RASAL2: variants seen among roughly 807,000 people sequenced by gnomAD.
RASAL2 encodes ras GTPase-activating protein nGAP.
In RASAL2, 58 loss-of-function variants were observed where a neutral mutation model predicts 128.9. That is an observed-to-expected ratio of 0.45 (90% CI 0.36 to 0.56). The LOEUF (loss-of-function observed/expected upper bound fraction) is 0.56. RASAL2 is among the 20% of genes least tolerant of loss of function. The pLI is 0.00. For missense variants in RASAL2, 1,360 were observed against 1,601.6 expected, an observed-to-expected ratio of 0.85 and a Z score of 2.57; for synonymous variants, 561 against 580.8, an observed-to-expected ratio of 0.97 and a Z score of 0.49.
At chr1:178,311,727 T>C (rs1169806288) in intron 3 of RASAL2, among the ~76,000 whole-genome samples, 1 of 152,070 alleles carries the variant, frequency 6.6e-6, no homozygotes, top group Non-Finnish European at 1.5e-5. Context: ...CCCCTTGGTG[T>C]ATTTAGCCCA....
At chr1:178,268,029 T>G (rs1428885003) in intron 1 of RASAL2, among the ~76,000 whole-genome samples, 1 of 151,978 alleles carries the variant, frequency 6.6e-6, no homozygotes, top group South Asian at 2.1e-4. Flanking sequence ...TTTTGTTTTT[T>G]TTTTTAAGAG....
At chr1:178,210,987 A>AC (rs556570130) in intron 1 of RASAL2, among the ~76,000 whole-genome samples, 3 of 151,696 alleles carry the variant, frequency 2.0e-5, no homozygotes, top group Non-Finnish European at 4.4e-5. Flanking sequence ...AGCTCTTTAG[A>AC]CTCCCGGTCT....
chr1:178,407,902 A>T (rs1674093938), intron 4 of RASAL2, among the ~76,000 whole-genome samples: 1 of 152,202 alleles, frequency 6.6e-6, no homozygotes, highest in South Asian at 2.1e-4. Context: ...ACTCATTCAC[A>T]GCTAGCCGAG....
intron 1 of RASAL2, among the ~76,000 whole-genome samples, chr1:178,238,401 A>T (rs1219987933): frequency 1.3e-5 from 2 of 152,126 alleles, no homozygotes; most frequent in Non-Finnish European, 2.9e-5. Flanking sequence ...TTACGTGAAC[A>T]TATGTTTTCA....
At chr1:178,178,459 G>A (rs1403874860) in intron 1 of RASAL2, among the ~76,000 whole-genome samples, 1 of 152,064 alleles carries the variant, frequency 6.6e-6, no homozygotes, top group Non-Finnish European at 1.5e-5. Context: ...AAGCCTCCAT[G>A]TAATCTTTTT....
In RASAL2 at chr1:178,276,582, G is replaced by A. The variant is rs560461960; in HGVS notation, c.203-6982G>A. Reference sequence around the variant, plus strand: ...GGCAGAGTACAGTGGTGTGATCATGGCCCACTGCAGCCTTGACTTCCTGGG... The same window carrying A: ...GGCAGAGTACAGTGGTGTGATCATGACCCACTGCAGCCTTGACTTCCTGGG... On this transcript the variant is annotated intron_variant, in intron 1 of 17. Transcript: ENST00000367649. Among the ~76,000 whole-genome samples the A allele has an allele frequency of 6.6e-5, 10 of 151,776 alleles. No individual in the cohort carries two copies. The East Asian group carries it at 2.0e-3, about 30-fold the overall frequency.
chr1:178,398,798 A>G (rs1673427987), intron 4 of RASAL2, among the ~76,000 whole-genome samples: 1 of 151,986 alleles, frequency 6.6e-6, no homozygotes, highest in Admixed American at 6.6e-5. Context: ...CCTTCTCTCA[A>G]ATTCTGTCAC....
intron 1 of RASAL2, among the ~76,000 whole-genome samples, chr1:178,114,758 G>A (rs1357047630): frequency 1.3e-5 from 2 of 152,142 alleles, no homozygotes; most frequent in African/African-American, 2.4e-5. Context: ...TCCTGACCTC[G>A]TGATCCGCCC....
At chr1:178,406,878 A>G (rs1440946537) in intron 4 of RASAL2, among the ~76,000 whole-genome samples, 1 of 151,904 alleles carries the variant, frequency 6.6e-6, no homozygotes, top group African/African-American at 2.4e-5. Context: ...ATGTGTCAAC[A>G]TCAATTAGAT....
intron 1 of RASAL2, among the ~76,000 whole-genome samples, chr1:178,175,933 C>T (rs1369009275): frequency 6.6e-6 from 1 of 152,108 alleles, no homozygotes; most frequent in East Asian, 1.9e-4. Context: ...ATGTATACCA[C>T]ATTTTCTTTA....
At chr1:178,105,814 A>C (rs1659068041) in intron 1 of RASAL2, among the ~76,000 whole-genome samples, 1 of 151,766 alleles carries the variant, frequency 6.6e-6, no homozygotes. Flanking sequence ...GTGCTACTTC[A>C]GGTGTGCACC....
chr1:178,147,145 G>A (rs1469231864), intron 1 of RASAL2, among the ~76,000 whole-genome samples: 1 of 152,076 alleles, frequency 6.6e-6, no homozygotes, highest in African/African-American at 2.4e-5. Flanking sequence ...ATATTTAGAG[G>A]ATTGAATATT....
At chr1:178,133,334 A>T (rs1315648836) in intron 1 of RASAL2, among the ~76,000 whole-genome samples, 4 of 152,154 alleles carry the variant, frequency 2.6e-5, no homozygotes, top group African/African-American at 9.7e-5. Context: ...CTGCCTTTCC[A>T]TGATCACTTT....
chr1:178,237,440 T>C (rs1296508839), intron 1 of RASAL2, among the ~76,000 whole-genome samples: 1 of 152,098 alleles, frequency 6.6e-6, no homozygotes. Flanking sequence ...AGGCTAGGGA[T>C]ATAGTGGGAG....
chr1:178,208,934 T>C (rs77668635), intron 1 of RASAL2, among the ~76,000 whole-genome samples: 16,550 of 152,120 alleles, frequency 0.11, 1,141 homozygotes, highest in African/African-American at 0.19. Flanking sequence ...AGAACCTACA[T>C]TGAAATATTG....
chr1:178,246,313 T>A (rs1419804532), intron 1 of RASAL2, among the ~76,000 whole-genome samples: 2 of 152,190 alleles, frequency 1.3e-5, no homozygotes, highest in Non-Finnish European at 2.9e-5. Flanking sequence ...CTAGGTATTT[T>A]ACTTTCTTTG....
At chr1:178,343,274 G>C (rs1669976884) in intron 3 of RASAL2, among the ~76,000 whole-genome samples, 1 of 152,148 alleles carries the variant, frequency 6.6e-6, no homozygotes, top group African/African-American at 2.4e-5. Flanking sequence ...ACTCCTCTCG[G>C]CTATATCGGA....
chr1:178,319,910 T>C (rs1429805011), intron 3 of RASAL2, among the ~76,000 whole-genome samples: 1 of 152,226 alleles, frequency 6.6e-6, no homozygotes, highest in Non-Finnish European at 1.5e-5. Flanking sequence ...CCGTTTTTTC[T>C]CCATCTTTGT....
chr1:178,468,041 A>T (rs1264946430), intron 17 of RASAL2, among the ~76,000 whole-genome samples: 3 of 152,218 alleles, frequency 2.0e-5, no homozygotes, highest in Non-Finnish European at 4.4e-5. Context: ...GCTTCTGCTC[A>T]CTGTAGCTCA....
Sources: gnomAD v4.1 joint callset for allele counts (sites outside exome capture counted in the v4.1 genomes callset) on GRCh38, gnomAD v4.1.1 for gene constraint, MANE v1.5 for transcripts, NCBI Gene and HGNC (gene_info 2026-07-23, HGNC 2026-07-21) for gene names.